Variants in METTL8 observed in about 807,000 individuals in gnomAD.
METTL8 encodes the protein tRNA N(3)-cytidine methyltransferase METTL8, mitochondrial.
METTL8 carries 32 observed loss-of-function variants against 48.7 expected under a neutral mutation model. That is an observed-to-expected ratio of 0.66 (90% CI 0.50 to 0.88). The LOEUF is 0.88. Ranked by LOEUF, METTL8 falls within the 40% of genes least tolerant of loss-of-function variation. METTL8 has a pLI of 0.00. For missense variants in METTL8, 464 were observed against 474.4 expected, an observed-to-expected ratio of 0.98 and a Z score of 0.20; for synonymous variants, 136 against 157.1, an observed-to-expected ratio of 0.87 and a Z score of 1.01.
intron 1 of METTL8, among the ~76,000 whole-genome samples, chr2:171,413,413 G>C (rs531906486): frequency 6.6e-6 from 1 of 152,180 alleles, no homozygotes; most frequent in Admixed American, 6.5e-5. Flanking sequence ...TCTTAGGTGA[G>C]ACATTGAGAT....
chr2:171,418,030 G>A (rs755063493), intron 1 of METTL8, among the ~76,000 whole-genome samples: 16 of 151,932 alleles, frequency 1.1e-4, no homozygotes, highest in East Asian at 1.9e-4. Context: ...TGCAAGCTCC[G>A]CCTCCTGGGT....
chr2:171,371,115 AT>A (rs1284558980), intron 2 of METTL8, among the ~76,000 whole-genome samples: 2 of 152,226 alleles, frequency 1.3e-5, no homozygotes, highest in African/African-American at 4.8e-5. Context: ...AACTGTAAAA[AT>A]GTCATGATTT....
At chr2:171,325,140 A>G (rs1490221452) in intron 9 of METTL8, among the ~76,000 whole-genome samples, 8 of 151,480 alleles carry the variant, frequency 5.3e-5, no homozygotes, top group African/African-American at 9.7e-5. Context: ...AAAAAAAAAA[A>G]AGAGAAATCA....
rs1476728444 is a variant in METTL8 at position 171,430,900 on chromosome 2, C to CT, written c.-13+2982dup. 2.0e-5 allele frequency among the ~76,000 whole-genome samples: 3 copies of CT among 152,156 alleles called. No homozygotes were observed. The East Asian group carries it at 5.8e-4, about 29-fold the overall frequency. The stretch of plus-strand genomic sequence containing the variant: ...CCCTTCTCTAATTTGTTTTTTCACA[C>CT]TGTTGTGCCCACCTTTGAGTGGTGC... On this transcript the variant is annotated intron_variant, in intron 1 of 9. Coordinates refer to ENST00000375258, the MANE Select transcript of METTL8 (RefSeq NM_001321154.2).
At chr2:171,430,116 G>T (rs1041834093) in intron 1 of METTL8, among the ~76,000 whole-genome samples, 1 of 151,894 alleles carries the variant, frequency 6.6e-6, no homozygotes, top group Non-Finnish European at 1.5e-5. Flanking sequence ...CCAGCACTTT[G>T]GGAGGCCAAA....
In METTL8 at chr2:171,339,562, A is replaced by G; in HGVS notation, c.236-8T>C. 2 of 1,393,836 alleles carry G rather than the reference A, an allele frequency of 1.4e-6. No individual in the cohort carries two copies. 86.3% of individuals were successfully genotyped at this position (1,393,836 alleles called of 1,614,324 possible). On this transcript the variant is annotated splice_region_variant and splice_polypyrimidine_tract_variant and intron_variant, in intron 3 of 9. Coordinates refer to ENST00000375258, the MANE Select transcript of METTL8 (RefSeq NM_001321154.2). Reference sequence around the variant, plus strand: ...CTTCTCTCTCATACTTAACTAAAATAAAGAGGAAAAAGAAAGATTTATTTT... The same window carrying G: ...CTTCTCTCTCATACTTAACTAAAATGAAGAGGAAAAAGAAAGATTTATTTT...
upstream of METTL8, chr2:171,433,999 A>G (rs2105702156): frequency 4.3e-6 from 1 of 233,920 alleles, no homozygotes; most frequent in Admixed American, 5.6e-5. Flanking sequence ...GTACCGGGGC[A>G]GTGAGGGAGG....
At chr2:171,419,363 G>A (rs1691652619) in intron 1 of METTL8, among the ~76,000 whole-genome samples, 1 of 152,106 alleles carries the variant, frequency 6.6e-6, no homozygotes, top group South Asian at 2.1e-4. Context: ...TATTAAACTA[G>A]AGTTCATACT....
chr2:171,337,484 TTC>T lies in METTL8; in HGVS notation c.623_624del (p.Gly208GlufsTer2). On this transcript the variant is annotated frameshift_variant, in exon 5 of 10. Transcript: ENST00000375258. LOFTEE classifies it high-confidence loss of function. ...GTGTTCAAAATTGGAAACACACTAT[TTC>T]CAGCTCCACAACCAACCTAAAATCA... ...FRILEVGCGA[G>X]NSVFPILNTL... 6.2e-7 allele frequency: 1 copy of T among 1,606,432 alleles called. No individual in the cohort carries two copies. Among genetic ancestry groups the T allele is most frequent in the Non-Finnish European group, 8.5e-7 (1 of 1,176,428 alleles).
intron 2 of METTL8, among the ~76,000 whole-genome samples, chr2:171,373,023 G>A (rs1056982183): frequency 1.3e-5 from 2 of 152,160 alleles, no homozygotes; most frequent in African/African-American, 2.4e-5. Context: ...TGGATCAAAT[G>A]GTATTTCTAG....
At chr2:171,419,233 T>C (rs1001151564) in intron 1 of METTL8, among the ~76,000 whole-genome samples, 3 of 152,162 alleles carry the variant, frequency 2.0e-5, no homozygotes, top group African/African-American at 7.2e-5. Flanking sequence ...TGCTACTAGG[T>C]TGTCCTTGCT....
chr2:171,335,013 A>AC (rs1377942587), intron 5 of METTL8, among the ~76,000 whole-genome samples: 2 of 152,238 alleles, frequency 1.3e-5, no homozygotes, highest in African/African-American at 4.8e-5. Flanking sequence ...AGTAACACAC[A>AC]ATCAACTGCC....
In METTL8 at chr2:171,360,408, A is replaced by G. The variant is rs777292358; in HGVS notation, c.235+14T>C. The stretch of plus-strand genomic sequence containing the variant: ...AAGCTCTGGCTCTAGGAGCTACAGC[A>G]CGCAGTTGACTACCTTGCTCTTCCA... On this transcript the variant is annotated intron_variant, in intron 3 of 9. Coordinates refer to ENST00000375258, the MANE Select transcript of METTL8 (RefSeq NM_001321154.2). The G allele has an allele frequency of 5.6e-6, 9 of 1,610,696 alleles. No individual in the cohort carries two copies. Among genetic ancestry groups the G allele is most frequent in the Non-Finnish European group, 7.6e-6 (9 of 1,177,742 alleles).
chr2:171,418,618 T>C (rs941797509), intron 1 of METTL8, among the ~76,000 whole-genome samples: 3 of 152,136 alleles, frequency 2.0e-5, no homozygotes, highest in Non-Finnish European at 4.4e-5. Flanking sequence ...CTAACAGTTA[T>C]TTTGCTGCTC....
chr2:171,407,000 C>T (rs919661149), intron 1 of METTL8, among the ~76,000 whole-genome samples: 4 of 151,606 alleles, frequency 2.6e-5, no homozygotes, highest in Non-Finnish European at 2.9e-5. Flanking sequence ...GTTTGTGGGG[C>T]GAAATATTTG....
At chr2:171,393,917 T>A (rs1380478581) in intron 1 of METTL8, among the ~76,000 whole-genome samples, 2 of 152,328 alleles carry the variant, frequency 1.3e-5, no homozygotes, top group East Asian at 3.8e-4. Flanking sequence ...GGGGGCATAG[T>A]TATACATACC....
intron 2 of METTL8, among the ~76,000 whole-genome samples, chr2:171,386,750 A>T (rs1688090702): frequency 6.6e-6 from 1 of 152,104 alleles, no homozygotes; most frequent in African/African-American, 2.4e-5. Flanking sequence ...CTAGGTGAGG[A>T]CAGGCATTTC....
chr2:171,383,319 C>T (rs2105537142), intron 2 of METTL8, among the ~76,000 whole-genome samples: 1 of 152,248 alleles, frequency 6.6e-6, no homozygotes, highest in South Asian at 2.1e-4. Flanking sequence ...TACCTTGGAT[C>T]TACAGAAAAC....
intron 7 of METTL8, among the ~76,000 whole-genome samples, chr2:171,329,738 TG>T (rs1433036634): frequency 6.6e-6 from 1 of 152,196 alleles, no homozygotes; most frequent in East Asian, 1.9e-4. Flanking sequence ...AATAAGCACA[TG>T]GTAACTCAGT....
Sources: gnomAD v4.1 joint callset for allele counts (sites outside exome capture counted in the v4.1 genomes callset) on GRCh38, gnomAD v4.1.1 for gene constraint, MANE v1.5 for transcripts, NCBI Gene and HGNC (gene_info 2026-07-23, HGNC 2026-07-21) for gene names.